The following SMPD3 variants were observed in gnomAD, a reference collection of about 807,000 sequenced individuals.
SMPD3 encodes the protein nSMase-2.
In SMPD3, 21 loss-of-function variants were observed where a neutral mutation model predicts 55.7. That is an observed-to-expected ratio of 0.38 (90% CI 0.27 to 0.54). SMPD3 has a LOEUF of 0.54. Ranked by LOEUF, SMPD3 falls within the 20% of genes least tolerant of loss-of-function variation. The pLI is 0.80. For missense variants in SMPD3, 842 were observed against 899.6 expected (o/e 0.94, Z 0.82); for synonymous variants, 457 against 404.3 (o/e 1.13, Z -1.56).
chr16:68,412,210 G>T (rs1453559483), intron 1 of SMPD3, among the ~76,000 whole-genome samples: 3 of 152,164 alleles, frequency 2.0e-5, no homozygotes, highest in African/African-American at 7.2e-5. Context: ...GCAGTTGGTG[G>T]GGACTCAGAA....
chr16:68,425,300 G>C (rs1304000275), intron 1 of SMPD3, among the ~76,000 whole-genome samples: 1 of 152,258 alleles, frequency 6.6e-6, no homozygotes, highest in Non-Finnish European at 1.5e-5. Context: ...GCTGGAACTG[G>C]TGAGGGAGAA....
Position 68,359,195 on chromosome 16 carries a change from C to G in SMPD3, c.*2011G>C, listed in dbSNP as rs1221315963. ...CCCTGTGCAGGCAGTCGGCAGGCGG[C>G]TCGGGGTCTAGGGGTCCAGGGCCGG... On this transcript the variant is annotated 3_prime_UTR_variant, in exon 9 of 9. Coordinates refer to ENST00000219334, the MANE Select transcript of SMPD3 (RefSeq NM_018667.4). 6.6e-6 allele frequency: 1 copy of G among 152,386 alleles called. No individual in the cohort carries two copies. The highest frequency in any genetic ancestry group is 1.9e-4 in the East Asian group (1 of 5,198). 9.4% of individuals were successfully genotyped at this position (152,386 alleles called of 1,614,324 possible).
At position 68,358,554 on chromosome 16, in the gene SMPD3, TAC is replaced by T. The variant is rs1162110895; in HGVS notation, c.*2650_*2651del. The T allele has an allele frequency of 6.6e-6, 1 of 152,484 alleles. No homozygotes were observed. The highest frequency in any genetic ancestry group is 2.4e-5 in the African/African-American group (1 of 41,406). The allele number at this position is 152,484 out of a possible 1,614,324, so 9.4% of individuals were successfully genotyped here. On this transcript the variant is annotated 3_prime_UTR_variant, in exon 9 of 9. Coordinates refer to ENST00000219334, the MANE Select transcript of SMPD3 (RefSeq NM_018667.4). ...CATGAAGATACAATACAGAAAAAAA[TAC>T]AGAAATTAAAAAAGTTTTTATAACA...
At chr16:68,429,600 G>A (rs950187852) in intron 1 of SMPD3, among the ~76,000 whole-genome samples, 6 of 152,202 alleles carry the variant, frequency 3.9e-5, no homozygotes, top group Non-Finnish European at 7.4e-5. Flanking sequence ...GCAGGGTTGC[G>A]TGATCAGTTG....
chr16:68,366,148 C>T (rs1883412001), intron 3 of SMPD3, among the ~76,000 whole-genome samples: 1 of 152,240 alleles, frequency 6.6e-6, no homozygotes, highest in African/African-American at 2.4e-5. Flanking sequence ...CTGCCTCTCC[C>T]AGTTGTTGGC....
At chr16:68,428,203 C>A (rs917667350) in intron 1 of SMPD3, among the ~76,000 whole-genome samples, 1 of 152,170 alleles carries the variant, frequency 6.6e-6, no homozygotes, top group African/African-American at 2.4e-5. Flanking sequence ...CCAAGATTTT[C>A]CAGCTCAAAG....
chr16:68,431,903 C>G (rs1439410794), intron 1 of SMPD3, among the ~76,000 whole-genome samples: 1 of 152,032 alleles, frequency 6.6e-6, no homozygotes, highest in East Asian at 1.9e-4. Context: ...GCCTGGGCAA[C>G]AGAGCAAGAC....
intron 2 of SMPD3, among the ~76,000 whole-genome samples, chr16:68,372,637 G>C (rs2089702090): frequency 6.6e-6 from 1 of 152,230 alleles, no homozygotes; most frequent in Non-Finnish European, 1.5e-5. Flanking sequence ...TAACCATCTT[G>C]ACCTTGTAAC....
chr16:68,415,783 T>C (rs1428665949), intron 1 of SMPD3, among the ~76,000 whole-genome samples: 1 of 149,848 alleles, frequency 6.7e-6, no homozygotes, highest in Non-Finnish European at 1.5e-5. Context: ...TTGCAGACTC[T>C]TGAAGAGTCT....
chr16:68,370,540 T>C (rs1478621639), intron 3 of SMPD3, among the ~76,000 whole-genome samples: 1 of 152,102 alleles, frequency 6.6e-6, no homozygotes, highest in Non-Finnish European at 1.5e-5. Flanking sequence ...TCCCAGGCCT[T>C]ACTGCTCTGT....
intron 1 of SMPD3, among the ~76,000 whole-genome samples, chr16:68,394,817 C>A (rs2090141597): frequency 1.3e-5 from 2 of 152,152 alleles, no homozygotes; most frequent in South Asian, 4.1e-4. Context: ...ATAGAAAAAA[C>A]AAGAGGCCAT....
At chr16:68,405,545 CAA>C (rs67518521) in intron 1 of SMPD3, among the ~76,000 whole-genome samples, 1,514 of 72,988 alleles carry the variant, frequency 0.021, 13 homozygotes, top group African/African-American at 0.064. Flanking sequence ...GACCCTGTCT[CAA>C]AAAAAAAAAA....
chr16:68,367,498 C>T (rs529107314), intron 3 of SMPD3: 1 of 152,492 alleles, frequency 6.6e-6, no homozygotes, highest in East Asian at 1.9e-4. Flanking sequence ...CGGTTTCTCC[C>T]CGGCCGCCTG....
Position 68,372,021 on chromosome 16 carries a change from C to T in SMPD3, c.161G>A (p.Cys54Tyr). The change falls in exon 3 of 9, where the codon TGC becomes TAC. Residue 54 changes from cysteine (C) to tyrosine (Y), a missense_variant. Cys to Tyr is a radical substitution (Grantham distance 194). Transcript: ENST00000219334. ...EKRQRADDPC[C>Y]LQLLCTALFT... The stretch of plus-strand genomic sequence containing the variant: ...GAGGGCAGTGCAGAGCAGCTGCAGG[C>T]AGCACGGGTCGTCTGCCCGCTGGCG... 1 of 1,611,228 alleles carries T rather than the reference C, an allele frequency of 6.2e-7. No individual in the cohort carries two copies. Among genetic ancestry groups the T allele is most frequent in the Non-Finnish European group, 8.5e-7 (1 of 1,179,114 alleles).
intron 1 of SMPD3, among the ~76,000 whole-genome samples, chr16:68,411,555 G>A (rs2152018673): frequency 6.6e-6 from 1 of 152,334 alleles, no homozygotes; most frequent in South Asian, 2.1e-4. Context: ...AGCATGAGCT[G>A]ATGGCCAGCA....
In SMPD3 at chr16:68,360,267, T is replaced by C. The variant is rs930291314; in HGVS notation, c.*939A>G. 5 of 152,360 alleles carry C rather than the reference T, an allele frequency of 3.3e-5. No homozygotes were observed. Among genetic ancestry groups the C allele is most frequent in the African/African-American group, 1.2e-4 (5 of 41,434 alleles). The allele number at this position is 152,360 out of a possible 1,614,324, so 9.4% of individuals were successfully genotyped here. ...AAAGAAGAGGATGTGTTGGTTTTGA[T>C]AGAAGAGAAGCTACAAATAGATTAT... is the stretch of plus-strand genomic sequence containing the variant. On this transcript the variant is annotated 3_prime_UTR_variant, in exon 9 of 9. Transcript: ENST00000219334.
In SMPD3 at chr16:68,364,838, T is replaced by C; in HGVS notation, c.1468A>G (p.Thr490Ala). ...QDWLADFRKSTSSSSAANPEE... is the reference protein window; with the variant it reads ...QDWLADFRKSASSSSAANPEE... The stretch of plus-strand genomic sequence containing the variant: ...GGGTTGGCTGCGCTGGACGAGGAGG[T>C]AGATTTTCGGAAATCAGCCAGCCAG... Residue 490 changes from threonine (T) to alanine (A), a missense_variant, in exon 5 of 9, where the codon ACC (threonine) becomes GCC (alanine). Transcript: ENST00000219334. 6.2e-7 allele frequency: 1 copy of C among 1,613,534 alleles called. No individual in the cohort carries two copies. Among genetic ancestry groups the C allele is most frequent in the Non-Finnish European group, 8.5e-7 (1 of 1,179,966 alleles).
intron 2 of SMPD3, among the ~76,000 whole-genome samples, chr16:68,378,486 G>T (rs553026408): frequency 1.3e-5 from 2 of 152,284 alleles, no homozygotes; most frequent in Admixed American, 1.3e-4. Flanking sequence ...ACAGACACAG[G>T]TGTGCCAGGT....
intron 1 of SMPD3, among the ~76,000 whole-genome samples, chr16:68,431,597 C>T (rs2090480127): frequency 6.6e-6 from 1 of 152,190 alleles, no homozygotes; most frequent in Admixed American, 6.5e-5. Flanking sequence ...TGAGCTTGTA[C>T]TGCAAGACTG....
Sources: allele counts gnomAD v4.1 joint callset (sites outside exome capture counted in the v4.1 genomes callset), GRCh38; gene constraint gnomAD v4.1.1; transcripts MANE v1.5; gene names NCBI Gene and HGNC (gene_info 2026-07-23, HGNC 2026-07-21).